Variants in UGGT1 observed in about 807,000 individuals in gnomAD.
UGGT1 encodes UDP-glucose glycoprotein glucosyltransferase 1.
UGGT1 carries 107 observed loss-of-function variants against 203.9 expected under a neutral mutation model. The observed-to-expected ratio is 0.52, with a 90% CI of 0.45 to 0.62. The LOEUF is 0.62. UGGT1 is among the 20% of genes least tolerant of loss of function. The pLI is 0.00. For synonymous variants in UGGT1, 628 were observed against 653.5 expected, an observed-to-expected ratio of 0.96 and a Z score of 0.59; for missense variants, 1,673 against 1,867.2, an observed-to-expected ratio of 0.90 and a Z score of 1.92.
rs1417546613 is a variant in UGGT1, at chr2:128,115,078, TAGAA to T, written c.697-42_697-39del. On this transcript the variant is annotated intron_variant, in intron 6 of 40. Transcript: ENST00000259253. ...TGGTCATGCCATGTACACTGTGACA[TAGAA>T]AGAGCTAGGTGGTAATGATGGAATT... The T allele has an allele frequency of 2.6e-6, 4 of 1,566,530 alleles. No individual in the cohort carries two copies. The African/African-American group carries it at 5.4e-5, about 21-fold the overall frequency.
chr2:128,186,610 A>G, intron 38 of UGGT1, 73 bp from the exon 39 acceptor site: 1 of 1,173,368 alleles, frequency 8.5e-7, no homozygotes, highest in South Asian at 1.5e-5. Flanking sequence ...CCATCTCTCA[A>G]TAAATAAATA....
chr2:128,122,216 C>G (rs923775701), intron 10 of UGGT1, among the ~76,000 whole-genome samples: 1 of 151,454 alleles, frequency 6.6e-6, no homozygotes, highest in African/African-American at 2.4e-5. Flanking sequence ...TCAGGTGATC[C>G]ACCCGCCTTG....
At chr2:128,164,687 T>C (rs778180860) in intron 25 of UGGT1, 43 bp from the exon 26 acceptor site, 2 of 1,545,356 alleles carry the variant, frequency 1.3e-6, no homozygotes, top group Admixed American at 1.7e-5. Context: ...TGGAAAACTT[T>C]CAGTTAAAAA....
chr2:128,138,879 A>G lies in UGGT1; in HGVS notation c.1719+27A>G, dbSNP rs775671026. On this transcript the variant is annotated intron_variant, in intron 16 of 40. Transcript: ENST00000259253. ...TACGTTTTTGTTCAGAATGGCAAAT[A>G]ATTTTTTCAGATCTAACTTACTCTT... The G allele has an allele frequency of 5.6e-6, 9 of 1,612,416 alleles. No homozygotes were observed. The Admixed American group carries it at 1.5e-4, about 27-fold the overall frequency.
chr2:128,170,121 G>A lies in UGGT1; in HGVS notation c.2922-167G>A, dbSNP rs184462782. Among the ~76,000 whole-genome samples the A allele has an allele frequency of 5.3e-5, 8 of 152,254 alleles. No individual in the cohort carries two copies. In the East Asian group the frequency reaches 1.5e-3, roughly 29 times the overall value. On this transcript the variant is annotated intron_variant, in intron 26 of 40. Coordinates refer to ENST00000259253, the MANE Select transcript of UGGT1 (RefSeq NM_020120.4). ...ATTTCAGATCCATTATTAAGGTTTT[G>A]CAATCTTTGGGATAGACAGAATCAT...
At chr2:128,141,112 T>C (rs2105450807) in intron 16 of UGGT1, among the ~76,000 whole-genome samples, 1 of 152,124 alleles carries the variant, frequency 6.6e-6, no homozygotes, top group Non-Finnish European at 1.5e-5. Context: ...TCACCTGAGG[T>C]CAGGAGTTTG....
chr2:128,146,533 A>C (rs2105468198), intron 18 of UGGT1, among the ~76,000 whole-genome samples: 1 of 149,686 alleles, frequency 6.7e-6, no homozygotes, highest in South Asian at 2.1e-4. Context: ...GGCTTTGGAG[A>C]GACTCAATAT....
intron 27 of UGGT1, among the ~76,000 whole-genome samples, chr2:128,170,797 C>T (rs1362620569): frequency 6.6e-6 from 1 of 152,108 alleles, no homozygotes; most frequent in Non-Finnish European, 1.5e-5. Context: ...AATTTTAGGA[C>T]ATTTAAAAGA....
rs1367581472 is a variant in UGGT1 at position 128,194,346 on chromosome 2, A to AGCCTCT, written c.*4610_*4615dup. On this transcript the variant is annotated 3_prime_UTR_variant, in exon 41 of 41. Transcript: ENST00000259253. ...CAGTGGCACAATCTCAGCTCACTGC[A>AGCCTCT]GCCTCTGCCTCCCGGGTTCAAGAGA... is the stretch of plus-strand genomic sequence containing the variant. 4.6e-5 allele frequency: 7 copies of AGCCTCT among 151,710 alleles called. No individual in the cohort carries two copies. The East Asian group carries it at 1.2e-3, about 25-fold the overall frequency. The allele number at this position is 151,710 out of a possible 1,614,324, so 9.4% of individuals were successfully genotyped here.
At chr2:128,092,166 G>A (rs918134746) in intron 1 of UGGT1, among the ~76,000 whole-genome samples, 9 of 151,004 alleles carry the variant, frequency 6.0e-5, no homozygotes, top group Admixed American at 5.9e-4. Context: ...ACTTGCAGGC[G>A]TTTGAAGACA....
intron 22 of UGGT1, among the ~76,000 whole-genome samples, chr2:128,158,910 TAAGAATATAAACTGTGTTGGGTA>T (rs1399722856): frequency 6.6e-6 from 1 of 152,104 alleles, no homozygotes; most frequent in Admixed American, 6.6e-5. Flanking sequence ...ATGTGTGGCA[TAAGAATATAAACTGTGTTGGGTA>T]AAGATAGGAC....
chr2:128,093,659 C>T (rs144097754), intron 1 of UGGT1, among the ~76,000 whole-genome samples: 152 of 152,302 alleles, frequency 1.0e-3, no homozygotes, highest in Non-Finnish European at 1.7e-3. Flanking sequence ...TGAGTCTGCA[C>T]AGAGTATGGC....
At position 128,129,009 on chromosome 2, in the gene UGGT1, C is replaced by G; in HGVS notation, c.1227-20C>G. The G allele has an allele frequency of 2.0e-6, 3 of 1,522,466 alleles. No homozygotes were observed. Among genetic ancestry groups the G allele is most frequent in the Non-Finnish European group, 2.6e-6 (3 of 1,137,382 alleles). The allele number at this position is 1,522,466 out of a possible 1,614,324, so 94.3% of individuals were successfully genotyped here. ...AAGCTTTTTTTCCTAGTAAATATCT[C>G]TTTTTGTTTTTCCCCCCAGTCTGTT... is the stretch of plus-strand genomic sequence containing the variant. On this transcript the variant is annotated intron_variant, in intron 12 of 40. Coordinates refer to ENST00000259253, the MANE Select transcript of UGGT1 (RefSeq NM_020120.4).
chr2:128,108,161 A>G (rs1687688528), intron 4 of UGGT1, 93 bp downstream of exon 4: 1 of 1,429,982 alleles, frequency 7.0e-7, no homozygotes, highest in Non-Finnish European at 9.4e-7. Flanking sequence ...TTACAGAGCT[A>G]TTATCACTTT....
intron 3 of UGGT1, among the ~76,000 whole-genome samples, chr2:128,104,249 C>T (rs1408332183): frequency 6.6e-6 from 1 of 152,038 alleles, no homozygotes; most frequent in Admixed American, 6.6e-5. Context: ...TGTTTTTGTT[C>T]TATCGTGATC....
At chr2:128,153,000 A>G (rs1468340258) in intron 19 of UGGT1, 96 bp downstream of exon 19, 7 of 1,545,876 alleles carry the variant, frequency 4.5e-6, no homozygotes, top group Admixed American at 4.3e-5. Context: ...TATCTTCTGC[A>G]GTGTTCAGAA....
intron 38 of UGGT1, 120 bp downstream of exon 38, chr2:128,183,909 GGTGTGTGTGT>G (rs558911313): frequency 1.1e-4 from 37 of 340,396 alleles, no homozygotes; most frequent in African/African-American, 8.0e-4. Context: ...GTTTTTTCAT[GGTGTGTGTGT>G]GTGTGTGTGT....
chr2:128,112,156 T>A (rs1362429126), intron 5 of UGGT1, among the ~76,000 whole-genome samples: 6 of 148,826 alleles, frequency 4.0e-5, no homozygotes, highest in Non-Finnish European at 7.4e-5. Context: ...CCTGGTGGCT[T>A]TTGCCTGTAA....
chr2:128,135,321 G>A (rs890934660), intron 15 of UGGT1, among the ~76,000 whole-genome samples: 2 of 152,220 alleles, frequency 1.3e-5, no homozygotes, highest in Admixed American at 6.5e-5. Flanking sequence ...GCCTGTCAAG[G>A]ACTAAACATA....
Sources: gnomAD v4.1 joint callset for allele counts (sites outside exome capture counted in the v4.1 genomes callset) on GRCh38, gnomAD v4.1.1 for gene constraint, MANE v1.5 for transcripts, NCBI Gene and HGNC (gene_info 2026-07-23, HGNC 2026-07-21) for gene names.